ANKHD1: variants seen among roughly 807,000 people sequenced by gnomAD.
ANKHD1 encodes ankyrin repeat and KH domain containing 1, also known as ankyrin repeat and KH domain-containing protein 1.
In ANKHD1, 31 loss-of-function variants were observed where a neutral mutation model predicts 230.5. That is an observed-to-expected ratio of 0.13 (90% CI 0.10 to 0.18). The LOEUF (loss-of-function observed/expected upper bound fraction) is 0.18, where lower values mean the gene tolerates loss of function less well. Ranked by LOEUF, ANKHD1 falls within the 10% of genes least tolerant of loss-of-function variation. The pLI is 1.00. For synonymous variants in ANKHD1, 1,074 were observed against 1,117.6 expected, an observed-to-expected ratio of 0.96 and a Z score of 0.78; for missense variants, 2,256 against 3,071.3, an observed-to-expected ratio of 0.73 and a Z score of 6.27.
Position 140,537,433 on chromosome 5 carries a change from G to T in ANKHD1, c.7072G>T (p.Ala2358Ser), listed in dbSNP as rs750965639. The change falls in exon 31 of 34, where the codon GCC becomes TCC. Residue 2358 changes from alanine (A) to serine (S), a missense_variant. Transcript: ENST00000360839. The part of the protein sequence containing the change: ...PTLGQPKGVS[A>S]SQDRKIPPPI... Reference sequence around the variant, plus strand: ...GTTGGGCCAACCAAAAGGAGTCAGTGCCAGTCAAGATCGAAAGATACCTCC... The same window carrying T: ...GTTGGGCCAACCAAAAGGAGTCAGTTCCAGTCAAGATCGAAAGATACCTCC... 9.9e-6 allele frequency: 16 copies of T among 1,614,052 alleles called. No individual in the cohort carries two copies. The highest frequency in any genetic ancestry group is 1.4e-5 in the Non-Finnish European group (16 of 1,180,028).
intron 15 of ANKHD1, among the ~76,000 whole-genome samples, chr5:140,500,909 A>G (rs1752270756): frequency 6.6e-6 from 1 of 151,934 alleles, no homozygotes; most frequent in African/African-American, 2.4e-5. Context: ...TTGACTTTTT[A>G]CTATGTTGTT....
intron 24 of ANKHD1, among the ~76,000 whole-genome samples, chr5:140,523,400 G>T (rs1378618929): frequency 1.3e-5 from 2 of 151,696 alleles, no homozygotes; most frequent in Non-Finnish European, 1.5e-5. Context: ...GAGCCACCAT[G>T]CCCAGCCTGC....
chr5:140,510,818 CGTGT>C (rs57422934), intron 22 of ANKHD1, among the ~76,000 whole-genome samples: 1 of 149,076 alleles, frequency 6.7e-6, no homozygotes, highest in Admixed American at 6.7e-5. Flanking sequence ...CTTCTGTGTG[CGTGT>C]GTGTGTGTGT....
intron 16 of ANKHD1, 52 bp downstream of exon 16, chr5:140,505,018 G>C: frequency 6.2e-7 from 1 of 1,607,588 alleles, no homozygotes; most frequent in South Asian, 1.1e-5. Context: ...ATCTTCTTTG[G>C]AAAGGAAAAT....
Position 140,431,760 on chromosome 5 carries a change from C to T in ANKHD1, c.307-4344C>T, listed in dbSNP as rs143416520. ...ACTTGAGTTTACATCCACTGTAAGA[C>T]GTAGAATTAACTCAATAAATTATCT... On this transcript the variant is annotated intron_variant, in intron 1 of 33. Transcript: ENST00000360839. Among the ~76,000 whole-genome samples the T allele has an allele frequency of 1.1e-3, 175 of 152,228 alleles. 1 individual carries two copies. The highest frequency in any genetic ancestry group is 3.5e-3 in the African/African-American group (147 of 41,526).
At chr5:140,508,365 A>T (rs1752623101) in intron 20 of ANKHD1, among the ~76,000 whole-genome samples, 1 of 152,206 alleles carries the variant, frequency 6.6e-6, no homozygotes, top group African/African-American at 2.4e-5. Context: ...CCAAGCAAAA[A>T]TTTAATTCAC....
chr5:140,457,864 C>T (rs1775335604), intron 7 of ANKHD1, among the ~76,000 whole-genome samples: 1 of 151,370 alleles, frequency 6.6e-6, no homozygotes, highest in Non-Finnish European at 1.5e-5. Flanking sequence ...AAAAAAAAGA[C>T]CTACATAAAT....
rs186201350 is a variant in ANKHD1 at position 140,421,490 on chromosome 5, G to A, written c.307-14614G>A. Among the ~76,000 whole-genome samples, 396 of 151,886 alleles carry A rather than the reference G, an allele frequency of 2.6e-3. 1 individual carries two copies. Among genetic ancestry groups the A allele is most frequent in the Middle Eastern group, 0.014 (4 of 292 alleles). On this transcript the variant is annotated intron_variant, in intron 1 of 33. Transcript: ENST00000360839. ...TAATTTTTGTATTTTTAGTAGAGAC[G>A]AGGTTTCACCATGTTAGCCAGATTG... is the stretch of plus-strand genomic sequence containing the variant.
At chr5:140,490,205 C>T (rs1007796575) in intron 14 of ANKHD1, among the ~76,000 whole-genome samples, 1 of 152,082 alleles carries the variant, frequency 6.6e-6, no homozygotes, top group African/African-American at 2.4e-5. Flanking sequence ...TTCTTATTCC[C>T]TAGGACTCTC....
At chr5:140,444,646 T>TA (rs1774135681) in intron 5 of ANKHD1, among the ~76,000 whole-genome samples, 1 of 152,142 alleles carries the variant, frequency 6.6e-6, no homozygotes, top group Non-Finnish European at 1.5e-5. Flanking sequence ...TGCTGCTTTT[T>TA]AAAAAAACAA....
At chr5:140,503,120 G>T (rs1033666980) in intron 15 of ANKHD1, among the ~76,000 whole-genome samples, 1 of 152,080 alleles carries the variant, frequency 6.6e-6, no homozygotes, top group Non-Finnish European at 1.5e-5. Flanking sequence ...ATTCTAGAGA[G>T]AAAATATTTT....
At chr5:140,519,816 A>G (rs550530958) in intron 24 of ANKHD1, among the ~76,000 whole-genome samples, 40 of 152,188 alleles carry the variant, frequency 2.6e-4, no homozygotes, top group Admixed American at 1.4e-3. Context: ...ACCTAAAACC[A>G]TAAAAACCCT....
rs189151733 is a variant in ANKHD1 at position 140,491,109 on chromosome 5, C to T, written c.2245+4049C>T. On this transcript the variant is annotated intron_variant, in intron 14 of 33. Coordinates refer to ENST00000360839, the MANE Select transcript of ANKHD1 (RefSeq NM_017747.3). ...GTGTGTGTGTATATATATATATATACACACACACACATATATATATATATA... is the reference window on the plus strand; with the variant it reads ...GTGTGTGTGTATATATATATATATATACACACACACATATATATATATATA... Among the ~76,000 whole-genome samples, 232 of 93,200 alleles carry T rather than the reference C, an allele frequency of 2.5e-3. 1 individual carries two copies. The highest frequency in any genetic ancestry group is 8.8e-3 in the African/African-American group (209 of 23,762). 61.1% of individuals were successfully genotyped at this position (93,200 alleles called of 152,430 possible).
chr5:140,486,013 G>A, intron 13 of ANKHD1: 1 of 326,424 alleles, frequency 3.1e-6, no homozygotes, highest in Non-Finnish European at 5.4e-6. Flanking sequence ...GGTTTTTCAG[G>A]GTTTTTTATT....
chr5:140,437,575 G>A (rs1277660149), intron 2 of ANKHD1, among the ~76,000 whole-genome samples: 3 of 152,066 alleles, frequency 2.0e-5, no homozygotes, highest in Admixed American at 1.3e-4. Context: ...GCGTGGCGGC[G>A]CACCCCTGTA....
At chr5:140,525,925 A>C in intron 25 of ANKHD1, 71 bp from the exon 26 acceptor site, 1 of 1,480,950 alleles carries the variant, frequency 6.8e-7, no homozygotes, top group South Asian at 1.4e-5. Context: ...TGAATTATCA[A>C]ATATATTCTG....
intron 6 of ANKHD1, among the ~76,000 whole-genome samples, chr5:140,448,879 A>G (rs892804235): frequency 2.0e-5 from 3 of 152,176 alleles, no homozygotes; most frequent in Admixed American, 1.3e-4. Flanking sequence ...TGATGCCAAG[A>G]TACTTTACTT....
At chr5:140,505,072 T>C (rs1752484680) in intron 16 of ANKHD1, 50 bp from the exon 17 acceptor site, 1 of 1,604,180 alleles carries the variant, frequency 6.2e-7, no homozygotes. Context: ...TGCTCTTAAA[T>C]TGATAACTTC....
intron 1 of ANKHD1, among the ~76,000 whole-genome samples, chr5:140,423,892 T>C (rs1319983920): frequency 6.6e-6 from 1 of 152,206 alleles, no homozygotes; most frequent in Non-Finnish European, 1.5e-5. Flanking sequence ...TTAACTATCC[T>C]GAGTCGCTTT....
Sources: gnomAD v4.1 joint callset for allele counts (sites outside exome capture counted in the v4.1 genomes callset) on GRCh38, gnomAD v4.1.1 for gene constraint, MANE v1.5 for transcripts, NCBI Gene and HGNC (gene_info 2026-07-23, HGNC 2026-07-21) for gene names.